CDH12: variants seen among roughly 807,000 people sequenced by gnomAD.
CDH12 encodes cadherin-12.
CDH12 carries 41 observed loss-of-function variants against 74.1 expected under a neutral mutation model. The ratio of observed to expected loss-of-function variants is 0.55; its 90% CI spans 0.43 to 0.72. The LOEUF (loss-of-function observed/expected upper bound fraction) is 0.72. Ranked by LOEUF, CDH12 falls within the 30% of genes least tolerant of loss-of-function variation. The pLI is 0.00. For missense variants in CDH12, 945 were observed against 977.2 expected (o/e 0.97, Z 0.44); for synonymous variants, 399 against 355.0 (o/e 1.12, Z -1.39).
chr5:22,216,296 G>A (rs1255000691), intron 3 of CDH12, among the ~76,000 whole-genome samples: 1 of 151,880 alleles, frequency 6.6e-6, no homozygotes, highest in Admixed American at 6.6e-5. Flanking sequence ...TATGTATACT[G>A]GAATAGCAAC....
At chr5:22,353,821 C>A (rs1017730216) in intron 3 of CDH12, among the ~76,000 whole-genome samples, 2 of 152,026 alleles carry the variant, frequency 1.3e-5, no homozygotes, top group African/African-American at 4.8e-5. Flanking sequence ...TAGTGATGTG[C>A]GTTTAAACTA....
chr5:22,098,474 C>T (rs1177706112), intron 4 of CDH12, among the ~76,000 whole-genome samples: 11 of 152,174 alleles, frequency 7.2e-5, no homozygotes, highest in Admixed American at 5.9e-4. Flanking sequence ...GCCTAGTCCT[C>T]ATGTTTGCGT....
intron 6 of CDH12, among the ~76,000 whole-genome samples, chr5:21,894,807 C>T (rs1316247017): frequency 6.6e-6 from 1 of 152,050 alleles, no homozygotes; most frequent in Non-Finnish European, 1.5e-5. Context: ...AGAAATCTAA[C>T]ATTATCCTTT....
chr5:22,351,284 AAAGAAGT>A (rs1358124027), intron 3 of CDH12, among the ~76,000 whole-genome samples: 2 of 152,182 alleles, frequency 1.3e-5, no homozygotes, highest in African/African-American at 4.8e-5. Context: ...AGCAAATAAG[AAAGAAGT>A]AAGTCTGGCT....
intron 6 of CDH12, among the ~76,000 whole-genome samples, chr5:21,925,376 A>G (rs1488019494): frequency 1.3e-5 from 2 of 152,150 alleles, no homozygotes; most frequent in African/African-American, 2.4e-5. Flanking sequence ...AATGAGATAA[A>G]CCTCTAATTA....
At chr5:21,785,114 G>A (rs1035502429) in intron 10 of CDH12, among the ~76,000 whole-genome samples, 2 of 152,042 alleles carry the variant, frequency 1.3e-5, no homozygotes, top group African/African-American at 2.4e-5. Context: ...TCTATGAACA[G>A]TGATCAGTGA....
At chr5:21,920,953 T>A (rs903280333) in intron 6 of CDH12, among the ~76,000 whole-genome samples, 4 of 152,168 alleles carry the variant, frequency 2.6e-5, no homozygotes, top group African/African-American at 7.2e-5. Context: ...GAAAACCTCC[T>A]CTGCAGCAGA....
At chr5:22,477,166 C>A (rs918644887) in intron 2 of CDH12, among the ~76,000 whole-genome samples, 1 of 152,136 alleles carries the variant, frequency 6.6e-6, no homozygotes, top group Non-Finnish European at 1.5e-5. Flanking sequence ...TTTTGTTGTA[C>A]AGATTATTTC....
At chr5:22,336,413 G>A (rs1326210867) in intron 3 of CDH12, among the ~76,000 whole-genome samples, 3 of 152,194 alleles carry the variant, frequency 2.0e-5, no homozygotes, top group African/African-American at 7.2e-5. Flanking sequence ...TCCAGGGCAT[G>A]TTAGAGGTCT....
At chr5:22,488,728 C>T (rs924460657) in intron 2 of CDH12, among the ~76,000 whole-genome samples, 4 of 152,144 alleles carry the variant, frequency 2.6e-5, no homozygotes, top group African/African-American at 9.7e-5. Context: ...ATTCTTCAAG[C>T]TAGCCCATCC....
chr5:21,871,626 G>A (rs1247122931), intron 6 of CDH12, among the ~76,000 whole-genome samples: 4 of 152,024 alleles, frequency 2.6e-5, no homozygotes, highest in Non-Finnish European at 5.9e-5. Context: ...CCACCTACTC[G>A]GGAGGCAGGA....
chr5:22,279,740 T>C (rs1580475535), intron 3 of CDH12, among the ~76,000 whole-genome samples: 1 of 152,164 alleles, frequency 6.6e-6, no homozygotes, highest in Admixed American at 6.5e-5. Context: ...TATTCCATGG[T>C]GTATATGTGT....
chr5:22,778,131 T>C (rs954794747), intron 1 of CDH12, among the ~76,000 whole-genome samples: 1 of 152,114 alleles, frequency 6.6e-6, no homozygotes, highest in Non-Finnish European at 1.5e-5. Flanking sequence ...TGTTTATAAG[T>C]CTCATCATAT....
intron 13 of CDH12, among the ~76,000 whole-genome samples, chr5:21,758,333 C>G (rs1237476477): frequency 6.6e-6 from 1 of 152,138 alleles, no homozygotes; most frequent in African/African-American, 2.4e-5. Flanking sequence ...CTCTACTCAA[C>G]TTGCTTCAGT....
chr5:22,011,535 T>A (rs377124749), intron 5 of CDH12, among the ~76,000 whole-genome samples: 1 of 152,132 alleles, frequency 6.6e-6, no homozygotes, highest in Admixed American at 6.5e-5. Context: ...ATTGTGTCTG[T>A]TTTTTTCTAT....
intron 9 of CDH12, among the ~76,000 whole-genome samples, chr5:21,809,755 C>T (rs1747644973): frequency 6.6e-6 from 1 of 152,034 alleles, no homozygotes; most frequent in Non-Finnish European, 1.5e-5. Flanking sequence ...TCAGGCATTT[C>T]CTTTACTGAT....
chr5:22,344,496 A>G (rs1740026543), intron 3 of CDH12, among the ~76,000 whole-genome samples: 2 of 152,126 alleles, frequency 1.3e-5, no homozygotes, highest in African/African-American at 4.8e-5. Flanking sequence ...ATAAGTTTCA[A>G]TGTATTTTGG....
chr5:22,829,482 T>C (rs1360751212), intron 1 of CDH12, among the ~76,000 whole-genome samples: 1 of 152,196 alleles, frequency 6.6e-6, no homozygotes, highest in African/African-American at 2.4e-5. Flanking sequence ...ATTTCATCCA[T>C]TGTGTGAAAA....
At chr5:21,891,163 T>C (rs1282330948) in intron 6 of CDH12, among the ~76,000 whole-genome samples, 37 of 152,094 alleles carry the variant, frequency 2.4e-4, no homozygotes, top group Admixed American at 2.4e-3. Flanking sequence ...TTAAACTTTA[T>C]TTGCAATCAA....
Sources: gnomAD v4.1 joint callset for allele counts (sites outside exome capture counted in the v4.1 genomes callset) on GRCh38, gnomAD v4.1.1 for gene constraint, MANE v1.5 for transcripts, NCBI Gene and HGNC (gene_info 2026-07-23, HGNC 2026-07-21) for gene names.